ZNF423: variants seen among roughly 807,000 people sequenced by gnomAD.
ZNF423 encodes Ebf-associated zinc finger protein.
ZNF423 carries 12 observed loss-of-function variants against 95.8 expected under a neutral mutation model. That is an observed-to-expected ratio of 0.13 (90% CI 0.08 to 0.20). The LOEUF is 0.20. Among genes scored for constraint, ZNF423 ranks in the 10% least tolerant of loss-of-function variants. The pLI, the probability that ZNF423 is intolerant of heterozygous loss-of-function variation, is 1.00. For synonymous variants in ZNF423, 749 were observed against 711.9 expected, an observed-to-expected ratio of 1.05 and a Z score of -0.83; for missense variants, 1,316 against 1,737.1, an observed-to-expected ratio of 0.76 and a Z score of 4.31.
rs1016082706 is a variant in ZNF423 at position 49,855,304 on chromosome 16, C to T, written c.40+431G>A. ...CGGCCTGCCGGGCGCCCGTCCTCGC[C>T]GCCTCTTCCTTCCTCCTGTCGCCCG... On this transcript the variant is annotated intron_variant, in intron 1 of 7. Transcript: ENST00000563137. The surrounding 1 kb of genome is among the most constrained non-coding windows in gnomAD (Gnocchi z 4.7). Among the ~76,000 whole-genome samples, 149 of 151,660 alleles carry T rather than the reference C, an allele frequency of 9.8e-4. 1 individual carries two copies. Among genetic ancestry groups the T allele is most frequent in the African/African-American group, 3.5e-3 (146 of 41,448 alleles).
intron 5 of ZNF423, among the ~76,000 whole-genome samples, chr16:49,595,018 T>C (rs1250263036): frequency 6.6e-6 from 1 of 152,208 alleles, no homozygotes; most frequent in Non-Finnish European, 1.5e-5. Flanking sequence ...TTTCTTGTTT[T>C]GGTCCTTAAA....
intron 5 of ZNF423, among the ~76,000 whole-genome samples, chr16:49,625,026 C>T (rs950240851): frequency 6.6e-6 from 1 of 152,202 alleles, no homozygotes; most frequent in African/African-American, 2.4e-5. Flanking sequence ...ACTCCGATGG[C>T]ATAGCTGTTA....
intron 3 of ZNF423, among the ~76,000 whole-genome samples, chr16:49,653,840 T>G (rs1973504736): frequency 6.6e-6 from 1 of 152,208 alleles, no homozygotes; most frequent in Non-Finnish European, 1.5e-5. Context: ...GGGCACTACC[T>G]GTTTATATTT....
chr16:49,541,623 G>A (rs1969250270), intron 5 of ZNF423, among the ~76,000 whole-genome samples: 1 of 152,100 alleles, frequency 6.6e-6, no homozygotes, highest in Non-Finnish European at 1.5e-5. Flanking sequence ...TAATTTATAT[G>A]GTTTGGCTCT....
chr16:49,784,128 C>T (rs763989137), intron 2 of ZNF423, among the ~76,000 whole-genome samples: 13 of 152,140 alleles, frequency 8.5e-5, no homozygotes, highest in Non-Finnish European at 1.5e-4. Flanking sequence ...GAATGTAAAA[C>T]GCCTGGGAAG....
At chr16:49,833,772 G>A (rs2035086596) in intron 1 of ZNF423, among the ~76,000 whole-genome samples, 1 of 138,720 alleles carries the variant, frequency 7.2e-6, no homozygotes, top group South Asian at 2.6e-4. Context: ...TGTTATACTT[G>A]TTTTTCAGGG....
intron 4 of ZNF423, among the ~76,000 whole-genome samples, chr16:49,631,512 G>A (rs1972496939): frequency 6.6e-6 from 1 of 152,028 alleles, no homozygotes; most frequent in Non-Finnish European, 1.5e-5. Context: ...CACCTCCCCT[G>A]CCATAAGCCC....
At chr16:49,661,859 T>C (rs2030247768) in intron 3 of ZNF423, among the ~76,000 whole-genome samples, 1 of 152,150 alleles carries the variant, frequency 6.6e-6, no homozygotes, top group Admixed American at 6.5e-5. Flanking sequence ...TAAACCAGGA[T>C]ACGTTAATGG....
At chr16:49,692,670 T>G (rs1448812386) in intron 3 of ZNF423, among the ~76,000 whole-genome samples, 1 of 152,198 alleles carries the variant, frequency 6.6e-6, no homozygotes, top group Admixed American at 6.5e-5. Flanking sequence ...CAGGGGAAGC[T>G]ACAATCCTGG....
chr16:49,825,523 C>T (rs551255591), intron 1 of ZNF423, among the ~76,000 whole-genome samples: 83 of 151,700 alleles, frequency 5.5e-4, no homozygotes, highest in Admixed American at 2.8e-3. Context: ...TCTAACAGGA[C>T]TGAGGTGCAG....
chr16:49,791,907 C>G (rs1181842053), intron 1 of ZNF423, among the ~76,000 whole-genome samples: 1 of 147,446 alleles, frequency 6.8e-6, no homozygotes, highest in East Asian at 2.0e-4. Context: ...GAGGCTAAGG[C>G]AAGAGAATTG....
chr16:49,718,904 A>C (rs2032785259), intron 3 of ZNF423, among the ~76,000 whole-genome samples: 1 of 152,170 alleles, frequency 6.6e-6, no homozygotes, highest in South Asian at 2.1e-4. Flanking sequence ...GGAAAAGCAA[A>C]CATTCAGACC....
At chr16:49,718,338 G>A (rs1293631482) in intron 3 of ZNF423, among the ~76,000 whole-genome samples, 1 of 152,146 alleles carries the variant, frequency 6.6e-6, no homozygotes, top group Non-Finnish European at 1.5e-5. Context: ...CCAAGGAGGT[G>A]GAGGCTGCAG....
chr16:49,816,783 C>CA (rs35801600), intron 1 of ZNF423, among the ~76,000 whole-genome samples: 2 of 150,880 alleles, frequency 1.3e-5, no homozygotes, highest in South Asian at 2.1e-4. Context: ...GACCCTGTCT[C>CA]AAAAAAAAGG....
At chr16:49,517,662 C>A (rs994443962) in intron 7 of ZNF423, 6 of 246,960 alleles carry the variant, frequency 2.4e-5, no homozygotes, top group Non-Finnish European at 4.8e-5. Flanking sequence ...TAAGCCATAA[C>A]AAAATGAGAG....
At chr16:49,788,431 C>T (rs556123749) in intron 2 of ZNF423, among the ~76,000 whole-genome samples, 33 of 152,326 alleles carry the variant, frequency 2.2e-4, no homozygotes, top group African/African-American at 7.0e-4. Context: ...TTAGCATCAT[C>T]GTAAGTCACA....
intron 3 of ZNF423, among the ~76,000 whole-genome samples, chr16:49,669,792 C>T (rs1343172219): frequency 1.3e-5 from 2 of 152,120 alleles, no homozygotes; most frequent in Admixed American, 6.5e-5. Flanking sequence ...GCTCCTGCTT[C>T]CCTACTCCAG....
intron 2 of ZNF423, among the ~76,000 whole-genome samples, chr16:49,770,486 C>G (rs908777678): frequency 1.3e-5 from 2 of 152,042 alleles, no homozygotes; most frequent in East Asian, 3.9e-4. Flanking sequence ...GGAGACGAAG[C>G]CTATGAATGG....
intron 3 of ZNF423, among the ~76,000 whole-genome samples, chr16:49,697,927 G>T (rs1596874969): frequency 6.6e-6 from 1 of 152,338 alleles, no homozygotes; most frequent in Middle Eastern, 3.4e-3. Flanking sequence ...GGATACACGG[G>T]GAGAGGCGGG....
Sources: gnomAD v4.1 joint callset for allele counts (sites outside exome capture counted in the v4.1 genomes callset) on GRCh38, gnomAD v4.1.1 for gene constraint, Gnocchi (gnomAD v3.1) non-coding constraint, MANE v1.5 for transcripts, NCBI Gene and HGNC (gene_info 2026-07-23, HGNC 2026-07-21) for gene names.